NHSL1: variants seen among roughly 807,000 people sequenced by gnomAD.
NHSL1 encodes NHS-like protein 1.
A neutral mutation model predicts 95.0 loss-of-function variants in NHSL1; 48 were observed. The ratio of observed to expected loss-of-function variants is 0.51; its 90% CI spans 0.40 to 0.64. The LOEUF is 0.64. Among genes scored for constraint, NHSL1 ranks in the 30% least tolerant of loss-of-function variants. NHSL1 has a pLI of 0.00. For missense variants in NHSL1, 1,971 were observed against 2,077.7 expected (o/e 0.95, Z 1.00); for synonymous variants, 783 against 833.9 (o/e 0.94, Z 1.05).
Position 138,631,142 on chromosome 6 carries a change from C to T in NHSL1, c.96+61334G>A, listed in dbSNP as rs547545858. 3.3e-5 allele frequency among the ~76,000 whole-genome samples: 5 copies of T among 152,278 alleles called. No individual in the cohort carries two copies. The East Asian group carries it at 5.8e-4, about 18-fold the overall frequency. On this transcript the variant is annotated intron_variant, in intron 1 of 3. Coordinates refer to the NHSL1 transcript ENST00000491526. ...GAAAATCCGGACCAAACTCAGCTGA[C>T]GCCCGCCCACGCAGGGAGCATTTAA...
chr6:138,508,530 C>T (rs1030771018), intron 1 of NHSL1, among the ~76,000 whole-genome samples: 3 of 152,314 alleles, frequency 2.0e-5, no homozygotes, highest in Middle Eastern at 3.4e-3. Flanking sequence ...GGCCACCCAG[C>T]ATCTGTACTG....
At position 138,430,402 on chromosome 6, in the gene NHSL1, C is replaced by G; in HGVS notation, c.3943G>C (p.Asp1315His). 1 of 1,483,782 alleles carries G rather than the reference C, an allele frequency of 6.7e-7. No individual in the cohort carries two copies. The highest frequency in any genetic ancestry group is 9.0e-7 in the Non-Finnish European group (1 of 1,111,004). 91.9% of individuals were successfully genotyped at this position (1,483,782 alleles called of 1,614,324 possible). A position where few individuals can be genotyped will look rare whatever the true frequency, so the allele number is the denominator to read the frequency against. Reference protein sequence around the residue: ...GDGESCLSQQDGAAGVPETNA... With the variant: ...GDGESCLSQQHGAAGVPETNA... ...AGGAAGCCAGACTCACCTGCTCCGT[C>G]CTGTTGAGATAGGCAGCTCTCCCCA... is the stretch of plus-strand genomic sequence containing the variant. Residue 1315 changes from aspartate (D) to histidine (H), a missense_variant, in exon 6 of 8, where the codon GAC (aspartate) becomes CAC (histidine). Around this residue, in one of 3 missense-constraint regions of NHSL1, gnomAD observed 146 missense variants for 206.3 expected, o/e 0.71. Transcript: ENST00000343505. This position sits in a 1 kb window ranked among gnomAD's most constrained non-coding sequence, Gnocchi z 4.7.
chr6:138,594,613 A>G (rs1784276989), intron 1 of NHSL1, among the ~76,000 whole-genome samples: 1 of 152,164 alleles, frequency 6.6e-6, no homozygotes, highest in South Asian at 2.1e-4. Context: ...ACGATCCCCA[A>G]TAAGCAGCAC....
At chr6:138,500,604 C>T (rs1255642646), upstream of NHSL1, among the ~76,000 whole-genome samples, 4 of 152,204 alleles carry the variant, frequency 2.6e-5, no homozygotes, top group Non-Finnish European at 5.9e-5. Flanking sequence ...TAATTCAAAA[C>T]ATTTAGTTTA....
At chr6:138,508,149 G>A (rs1469241351) in intron 1 of NHSL1, among the ~76,000 whole-genome samples, 1 of 152,140 alleles carries the variant, frequency 6.6e-6, no homozygotes, top group Non-Finnish European at 1.5e-5. Flanking sequence ...CAAACGAAAG[G>A]CGAGGCAGAC....
chr6:138,690,442 TAA>T (rs768221244), intron 1 of NHSL1, among the ~76,000 whole-genome samples: 5,733 of 145,860 alleles, frequency 0.039, 146 homozygotes, highest in Non-Finnish European at 0.059. Flanking sequence ...GCATGATTAT[TAA>T]AAAAAAAAAA....
rs192186502 is a variant in NHSL1 at position 138,627,876 on chromosome 6, G to A, written c.96+64600C>T. 2.9e-3 allele frequency among the ~76,000 whole-genome samples: 441 copies of A among 151,658 alleles called. 1 individual carries two copies. The highest frequency in any genetic ancestry group is 6.8e-3 in the Middle Eastern group (2 of 292). ...AGCCTGGGCGACAGAACAAGACTCC[G>A]TCTAAAAATAAAAATAAAAAAAATT... On this transcript the variant is annotated intron_variant, in intron 1 of 3. Transcript: ENST00000491526.
chr6:138,596,400 T>G lies in NHSL1; in HGVS notation c.96+96076A>C, dbSNP rs188952468. 5.8e-3 allele frequency among the ~76,000 whole-genome samples: 884 copies of G among 152,270 alleles called. 10 individuals carry two copies. Among genetic ancestry groups the G allele is most frequent in the African/African-American group, 0.019 (782 of 41,544 alleles). The stretch of plus-strand genomic sequence containing the variant: ...CTCCAGCGTCATGTGGAAATTATTT[T>G]TAAAATGAAAGCTTTTTCATCAACT... On this transcript the variant is annotated intron_variant, in intron 1 of 3. Transcript: ENST00000491526.
At chr6:138,455,543 C>CCCTGCAAGGAGCCCCGCCTTCGCATGCTT (rs1777553056) in intron 3 of NHSL1, among the ~76,000 whole-genome samples, 2 of 39,870 alleles carry the variant, frequency 5.0e-5, no homozygotes, top group Non-Finnish European at 1.5e-4. Context: ...TTCACATGCT[C>CCCTGCAAGGAGCCCCGCCTTCGCATGCTT]CCTGCAAGGA....
At chr6:138,425,874 C>G (rs562212162) in intron 7 of NHSL1, among the ~76,000 whole-genome samples, 1 of 150,440 alleles carries the variant, frequency 6.6e-6, no homozygotes, top group South Asian at 2.2e-4. Flanking sequence ...CATGCCAGAC[C>G]CTGCTTCATG....
intron 1 of NHSL1, among the ~76,000 whole-genome samples, chr6:138,648,397 A>G (rs1733256311): frequency 6.6e-6 from 1 of 151,570 alleles, no homozygotes; most frequent in African/African-American, 2.4e-5. Flanking sequence ...AGATTCTGCA[A>G]TCTAGGCAAG....
intron 1 of NHSL1, among the ~76,000 whole-genome samples, chr6:138,674,964 C>A (rs1785429857): frequency 6.6e-6 from 1 of 151,552 alleles, no homozygotes. Context: ...GAGAGGATGG[C>A]TTGAGCCCAG....
intron 1 of NHSL1, among the ~76,000 whole-genome samples, chr6:138,669,245 T>C (rs6918748): frequency 0.13 from 20,015 of 151,992 alleles, 2,082 homozygotes; most frequent in African/African-American, 0.29. Flanking sequence ...CTCAAAGCCC[T>C]ACTGAAACTG....
chr6:138,435,448 T>C (rs895096826), intron 5 of NHSL1, among the ~76,000 whole-genome samples: 2 of 151,642 alleles, frequency 1.3e-5, no homozygotes, highest in Non-Finnish European at 2.9e-5. Flanking sequence ...TAAAAAAAAA[T>C]AGAAATACAG....
At position 138,449,027 on chromosome 6, in the gene NHSL1, G is replaced by A. The variant is rs530265754; in HGVS notation, c.340-1834C>T. 6.1e-5 allele frequency among the ~76,000 whole-genome samples: 9 copies of A among 147,160 alleles called. No individual in the cohort carries two copies. The South Asian group carries it at 1.9e-3, about 31-fold the overall frequency. ...AGATCGCACCATTGCGCCCCAGCCT[G>A]GGCAACAAGAGCAAAATTCTGTCTC... On this transcript the variant is annotated intron_variant, in intron 3 of 7. Coordinates refer to ENST00000343505, the MANE Select transcript of NHSL1 (RefSeq NM_001144060.2).
At chr6:138,582,816 C>T (rs898423935) in intron 1 of NHSL1, among the ~76,000 whole-genome samples, 3 of 152,182 alleles carry the variant, frequency 2.0e-5, no homozygotes, top group African/African-American at 7.2e-5. Flanking sequence ...ATCTTTTCCA[C>T]CGGCTTTACT....
At chr6:138,649,756 C>T (rs1785064426) in intron 1 of NHSL1, among the ~76,000 whole-genome samples, 1 of 152,184 alleles carries the variant, frequency 6.6e-6, no homozygotes. Flanking sequence ...TAGGCCTAGA[C>T]ATGATGGTGG....
At chr6:138,503,247 T>G (rs1780781310), upstream of NHSL1, among the ~76,000 whole-genome samples, 1 of 152,112 alleles carries the variant, frequency 6.6e-6, no homozygotes, top group Admixed American at 6.5e-5. Flanking sequence ...ACACACTAGT[T>G]CCTCTCCTGC....
chr6:138,580,464 C>T (rs1784036771), intron 1 of NHSL1, among the ~76,000 whole-genome samples: 1 of 152,136 alleles, frequency 6.6e-6, no homozygotes, highest in African/African-American at 2.4e-5. Context: ...ATTTAGCCAA[C>T]CAGTGGTGTG....
Sources: allele counts gnomAD v4.1 joint callset (sites outside exome capture counted in the v4.1 genomes callset), GRCh38; gene constraint gnomAD v4.1.1; regional missense constraint gnomAD v4.1.1; non-coding constraint Gnocchi (gnomAD v3.1); transcripts MANE v1.5; gene names NCBI Gene and HGNC (gene_info 2026-07-23, HGNC 2026-07-21).